Variants in ANKRD17 observed in about 807,000 individuals in gnomAD.
The protein encoded by ANKRD17 is ankyrin repeat domain-containing protein 17.
ANKRD17 carries 19 observed loss-of-function variants against 229.7 expected under a neutral mutation model. The ratio of observed to expected loss-of-function variants is 0.08; its 90% CI spans 0.06 to 0.12. The LOEUF (loss-of-function observed/expected upper bound fraction) is 0.12, where lower values mean the gene tolerates loss of function less well. ANKRD17 is among the 10% of genes least tolerant of loss of function. The pLI, the probability that ANKRD17 is intolerant of heterozygous loss-of-function variation, is 1.00. For missense variants in ANKRD17, 2,176 were observed against 3,176.8 expected (o/e 0.68, Z 7.57); for synonymous variants, 1,112 against 1,146.1 (o/e 0.97, Z 0.60).
At chr4:73,256,243 G>A (rs1745444018) in intron 1 of ANKRD17, among the ~76,000 whole-genome samples, 1 of 152,186 alleles carries the variant, frequency 6.6e-6, no homozygotes, top group African/African-American at 2.4e-5. Context: ...CATTCTTCAT[G>A]ATTTAAGGAA....
At chr4:73,077,643 A>AAAGTAGGTCATTATAT in intron 31 of ANKRD17, 110 bp from the exon 32 acceptor site, 1 of 916,052 alleles carries the variant, frequency 1.1e-6, no homozygotes, top group Non-Finnish European at 1.5e-6. Flanking sequence ...TTTCAATATA[A>AAAGTAGGTCATTATAT]TGACCTACTT....
intron 16 of ANKRD17, among the ~76,000 whole-genome samples, chr4:73,130,191 A>T (rs533243045): frequency 5.9e-5 from 9 of 152,338 alleles, no homozygotes; most frequent in Admixed American, 3.9e-4. Context: ...CTCAGGTTAC[A>T]TGTAAGCTTA....
rs753312002 is a variant in ANKRD17, at chr4:73,091,123, G to A, written c.6505C>T (p.Pro2169Ser). 2.5e-6 allele frequency: 4 copies of A among 1,614,168 alleles called. No individual in the cohort carries two copies. The Admixed American group carries it at 6.7e-5, about 27-fold the overall frequency. Residue 2169 changes from proline to serine, a missense_variant, in exon 29 of 34, where the codon CCT becomes TCT. Transcript: ENST00000358602. ...MPQTPMGCPQ[P>S]TPKMETPAIR... ...GCAGGGGTTTCCATTTTAGGAGTAG[G>A]CTGGGGGCATCCCATTGGTGTCTGA...
chr4:73,118,929 C>G lies in ANKRD17; in HGVS notation c.4026-79G>C, dbSNP rs1356927964. 5 of 1,414,116 alleles carry G rather than the reference C, an allele frequency of 3.5e-6. No individual in the cohort carries two copies. The East Asian group carries it at 9.4e-5, about 27-fold the overall frequency. 87.6% of individuals were successfully genotyped at this position (1,414,116 alleles called of 1,614,324 possible). On this transcript the variant is annotated intron_variant, in intron 21 of 33. Transcript: ENST00000358602. ...TGATACAGGGTCTTGCTCTGTCACA[C>G]AGGCTGGAGTGCAGTGGTGAGATCA...
intron 1 of ANKRD17, among the ~76,000 whole-genome samples, chr4:73,202,318 T>TAAAAAAAAAAAAAA (rs10533861): frequency 4.6e-5 from 1 of 21,938 alleles, no homozygotes; most frequent in Non-Finnish European, 7.6e-5. Context: ...GGAACAGGAT[T>TAAAAAAAAAAAAAA]AAAAAAAAAA....
intron 2 of ANKRD17, among the ~76,000 whole-genome samples, chr4:73,173,721 A>G (rs1434831575): frequency 6.6e-6 from 1 of 152,182 alleles, no homozygotes; most frequent in Non-Finnish European, 1.5e-5. Flanking sequence ...GAAGGATTTA[A>G]CCTCACCTAT....
At chr4:73,114,048 A>AT (rs1243309977) in intron 23 of ANKRD17, 140 bp from the exon 24 acceptor site, 1 of 564,950 alleles carries the variant, frequency 1.8e-6, no homozygotes, top group African/African-American at 1.8e-5. Flanking sequence ...AGGTGTGCAA[A>AT]TAAAAACGTA....
intron 5 of ANKRD17, among the ~76,000 whole-genome samples, chr4:73,154,765 G>C (rs1731423557): frequency 6.6e-6 from 1 of 152,128 alleles, no homozygotes; most frequent in Non-Finnish European, 1.5e-5. Flanking sequence ...TAACGGGCCG[G>C]GCGCGGTGGC....
intron 11 of ANKRD17, 111 bp downstream of exon 11, chr4:73,144,634 C>CCT: frequency 1.9e-6 from 1 of 533,650 alleles, no homozygotes; most frequent in Non-Finnish European, 3.1e-6. Flanking sequence ...CAGTAGCATC[C>CCT]CTCCTCATAT....
chr4:73,233,294 GCCCT>G (rs1330236929), intron 1 of ANKRD17, among the ~76,000 whole-genome samples: 1 of 151,516 alleles, frequency 6.6e-6, no homozygotes, highest in African/African-American at 2.4e-5. Context: ...TTCGTTTGTT[GCCCT>G]CCATCTCCTA....
intron 24 of ANKRD17, among the ~76,000 whole-genome samples, chr4:73,110,645 A>C (rs1021290631): frequency 6.6e-6 from 1 of 152,228 alleles, no homozygotes; most frequent in Non-Finnish European, 1.5e-5. Flanking sequence ...CCATTTTCCC[A>C]GATGTAAATT....
At chr4:73,115,373 C>T (rs181491804) in intron 23 of ANKRD17, among the ~76,000 whole-genome samples, 4 of 152,302 alleles carry the variant, frequency 2.6e-5, no homozygotes, top group Admixed American at 1.3e-4. Context: ...TCACTGCAAC[C>T]TCCACCTTCC....
chr4:73,142,146 G>C (rs1021355633), intron 13 of ANKRD17, 96 bp downstream of exon 13: 79 of 1,279,036 alleles, frequency 6.2e-5, no homozygotes, highest in Non-Finnish European at 8.3e-5. Context: ...CTACATATTA[G>C]AACAAAAAAA....
intron 24 of ANKRD17, chr4:73,102,882 A>G (rs553484901): frequency 1.9e-5 from 4 of 212,356 alleles, no homozygotes; most frequent in Non-Finnish European, 3.7e-5. Context: ...ATCAGATATC[A>G]GCACAAGTTT....
chr4:73,092,449 C>A (rs1722883920), intron 28 of ANKRD17, 149 bp from the exon 29 acceptor site: 4 of 665,850 alleles, frequency 6.0e-6, no homozygotes, highest in Non-Finnish European at 9.9e-6. Context: ...ATAACAAAAG[C>A]TGGGCAGCAA....
chr4:73,188,559 T>C (rs974074166), intron 1 of ANKRD17, among the ~76,000 whole-genome samples: 2 of 152,000 alleles, frequency 1.3e-5, no homozygotes, highest in African/African-American at 4.8e-5. Context: ...CACTCCAGCC[T>C]GGGCGACAGA....
At chr4:73,200,239 T>G (rs1738472687) in intron 1 of ANKRD17, among the ~76,000 whole-genome samples, 1 of 152,178 alleles carries the variant, frequency 6.6e-6, no homozygotes, top group Admixed American at 6.5e-5. Context: ...TCAGGCACAT[T>G]GCTTTAAATC....
intron 25 of ANKRD17, among the ~76,000 whole-genome samples, chr4:73,101,724 T>G (rs1476202692): frequency 6.6e-6 from 1 of 150,772 alleles, no homozygotes; most frequent in African/African-American, 2.4e-5. Context: ...ATTCTGCAAT[T>G]TACTTTTAGA....
At position 73,074,536 on chromosome 4, in the gene ANKRD17, A is replaced by G. The variant is rs1720886324; in HGVS notation, c.*1695T>C. 6.6e-6 allele frequency: 1 copy of G among 151,860 alleles called. No individual in the cohort carries two copies. Among genetic ancestry groups the G allele is most frequent in the African/African-American group, 2.4e-5 (1 of 41,402 alleles). 9.4% of individuals were successfully genotyped at this position (151,860 alleles called of 1,614,324 possible). A position where few individuals can be genotyped will look rare whatever the true frequency, so the allele number is the denominator to read the frequency against. On this transcript the variant is annotated 3_prime_UTR_variant, in exon 34 of 34. Transcript: ENST00000358602. ...AAACAAATTTATATATTTTAAGACC[A>G]CTTCTTAAACTAAAAGATATGAGTG...
Sources: gnomAD v4.1 joint callset for allele counts (sites outside exome capture counted in the v4.1 genomes callset) on GRCh38, gnomAD v4.1.1 for gene constraint, MANE v1.5 for transcripts, NCBI Gene and HGNC (gene_info 2026-07-23, HGNC 2026-07-21) for gene names.